Variants in LARGE1 observed in about 807,000 individuals in gnomAD.
LARGE1 encodes the protein LARGE xylosyl- and glucuronyltransferase 1.
A neutral mutation model predicts 87.6 loss-of-function variants in LARGE1; 43 were observed. That is an observed-to-expected ratio of 0.49 (90% CI 0.38 to 0.63). The LOEUF is 0.63. LARGE1 is among the 30% of genes least tolerant of loss of function. The probability of loss-of-function intolerance (pLI) is 0.00; values close to 1 mark genes in which losing one functional copy is unlikely to be tolerated. For missense variants in LARGE1, 802 were observed against 1,000.2 expected, an observed-to-expected ratio of 0.80 and a Z score of 2.67; for synonymous variants, 434 against 394.6, an observed-to-expected ratio of 1.10 and a Z score of -1.18.
the LARGE1 span, among the ~76,000 whole-genome samples, chr22:33,133,969 T>C: frequency 2.0e-5 from 3 of 152,194 alleles, no homozygotes; most frequent in Non-Finnish European, 4.4e-5. Flanking sequence ...TCAATAAGCA[T>C]ATTTAAGAAA....
chr22:33,221,023 C>A (rs137464), intron 11 of LARGE1, among the ~76,000 whole-genome samples: 6,364 of 152,160 alleles, frequency 0.042, 195 homozygotes, highest in Admixed American at 0.088. Context: ...CCTGTGGGAC[C>A]CCCACAGGAA....
intron 6 of LARGE1, among the ~76,000 whole-genome samples, chr22:33,515,416 G>A (rs138787910): frequency 6.6e-6 from 1 of 152,316 alleles, no homozygotes; most frequent in African/African-American, 2.4e-5. Flanking sequence ...AAACTCCGGA[G>A]GGTCTGCTTG....
intron 1 of LARGE1, among the ~76,000 whole-genome samples, chr22:33,875,942 T>C (rs188225554): frequency 6.3e-4 from 96 of 152,150 alleles, no homozygotes; most frequent in Non-Finnish European, 1.1e-3. Flanking sequence ...GAGCTATGGG[T>C]TCCTCCTCCA....
At chr22:33,522,160 T>C (rs1344312146) in intron 6 of LARGE1, among the ~76,000 whole-genome samples, 1 of 152,210 alleles carries the variant, frequency 6.6e-6, no homozygotes, top group Non-Finnish European at 1.5e-5. Context: ...CATTTCAACA[T>C]GAGATTTGGA....
chr22:33,325,534 C>T (rs1406678099), intron 10 of LARGE1, among the ~76,000 whole-genome samples: 1 of 152,244 alleles, frequency 6.6e-6, no homozygotes, highest in African/African-American at 2.4e-5. Context: ...AAACTACCTG[C>T]CAATCATGAA....
chr22:33,296,557 CTTTT>C (rs1933287481), intron 12 of LARGE1, among the ~76,000 whole-genome samples: 2 of 147,786 alleles, frequency 1.4e-5, no homozygotes, highest in African/African-American at 5.0e-5. Flanking sequence ...TATCCTTTTT[CTTTT>C]TTCTTTTCTT....
At chr22:33,608,581 C>T (rs2079333254) in intron 4 of LARGE1, among the ~76,000 whole-genome samples, 1 of 152,186 alleles carries the variant, frequency 6.6e-6, no homozygotes, top group South Asian at 2.1e-4. Context: ...TTTTCATCCC[C>T]ATCCACAGTA....
At chr22:33,439,467 C>T (rs1023024392) in intron 6 of LARGE1, among the ~76,000 whole-genome samples, 1 of 152,130 alleles carries the variant, frequency 6.6e-6, no homozygotes, top group Non-Finnish European at 1.5e-5. Context: ...TCTGTCCCTT[C>T]GCTGATGTAC....
chr22:33,831,821 C>T (rs544151477), intron 1 of LARGE1, among the ~76,000 whole-genome samples: 4 of 151,876 alleles, frequency 2.6e-5, no homozygotes, highest in East Asian at 1.9e-4. Context: ...AAGAGGATAA[C>T]GTTCAAGCTG....
chr22:33,830,523 T>C lies in LARGE1; in HGVS notation c.-82-68965A>G, dbSNP rs796233463. 1.2e-4 allele frequency among the ~76,000 whole-genome samples: 18 copies of C among 152,318 alleles called. 1 individual carries two copies. Among genetic ancestry groups the C allele is most frequent in the African/African-American group, 4.3e-4 (18 of 41,572 alleles). On this transcript the variant is annotated intron_variant, in intron 1 of 14. Coordinates refer to ENST00000397394, the MANE Select transcript of LARGE1 (RefSeq NM_133642.5). Reference sequence around the variant, plus strand: ...TTATCAGCTGTGTGACCTTGGACAATTTATTGAACATTTCCCTGCCTCAGT... The same window carrying C: ...TTATCAGCTGTGTGACCTTGGACAACTTATTGAACATTTCCCTGCCTCAGT...
intron 1 of LARGE1, among the ~76,000 whole-genome samples, chr22:33,773,081 A>G (rs1037494313): frequency 6.6e-6 from 1 of 152,252 alleles, no homozygotes; most frequent in South Asian, 2.1e-4. Context: ...GGTCATTTGC[A>G]AAGTTCACTT....
chr22:33,762,387 G>C (rs1255904330), intron 1 of LARGE1, among the ~76,000 whole-genome samples: 1 of 152,058 alleles, frequency 6.6e-6, no homozygotes, highest in African/African-American at 2.4e-5. Context: ...TGGTCAGGAT[G>C]GCAGAACAGT....
intron 6 of LARGE1, among the ~76,000 whole-genome samples, chr22:33,451,232 C>G (rs1208919580): frequency 2.0e-5 from 3 of 152,098 alleles, no homozygotes; most frequent in African/African-American, 7.2e-5. Context: ...AAAACTTCAT[C>G]TGGCAAAGTT....
chr22:33,396,909 G>T (rs1405136565), intron 7 of LARGE1, among the ~76,000 whole-genome samples: 1 of 152,198 alleles, frequency 6.6e-6, no homozygotes, highest in Admixed American at 6.5e-5. Context: ...AAAACTTGCA[G>T]AGTACTTTTG....
chr22:33,902,363 C>G (rs1345475904), intron 1 of LARGE1, among the ~76,000 whole-genome samples: 5 of 152,158 alleles, frequency 3.3e-5, no homozygotes, highest in Non-Finnish European at 7.4e-5. Context: ...TCCCATTCCC[C>G]AAAAAGTCAT....
intron 2 of LARGE1, among the ~76,000 whole-genome samples, chr22:33,690,378 G>C (rs955739368): frequency 6.6e-6 from 1 of 152,150 alleles, no homozygotes; most frequent in African/African-American, 2.4e-5. Context: ...TGAAGCACCA[G>C]TAAGTGCTAT....
At chr22:33,790,374 G>T (rs2085785359) in intron 1 of LARGE1, among the ~76,000 whole-genome samples, 1 of 152,138 alleles carries the variant, frequency 6.6e-6, no homozygotes, top group African/African-American at 2.4e-5. Context: ...TAATACACCT[G>T]GCATAGCAAC....
intron 2 of LARGE1, among the ~76,000 whole-genome samples, chr22:33,707,628 C>T (rs1452051066): frequency 6.6e-6 from 1 of 152,242 alleles, no homozygotes; most frequent in Non-Finnish European, 1.5e-5. Flanking sequence ...AAATATCAAG[C>T]TGCTTTAGAA....
intron 10 of LARGE1, among the ~76,000 whole-genome samples, chr22:33,326,526 G>A (rs1937259517): frequency 6.6e-6 from 1 of 152,148 alleles, no homozygotes; most frequent in Non-Finnish European, 1.5e-5. Context: ...CTATCAGATA[G>A]GAATAACTAA....
Sources: gnomAD v4.1 joint callset for allele counts (sites outside exome capture counted in the v4.1 genomes callset) on GRCh38, gnomAD v4.1.1 for gene constraint, MANE v1.5 for transcripts, NCBI Gene and HGNC (gene_info 2026-07-23, HGNC 2026-07-21) for gene names.